Variants in SCRIB observed in about 807,000 individuals in gnomAD.
SCRIB encodes scribble planar cell polarity protein, also known as protein scribble homolog.
In SCRIB, 72 loss-of-function variants were observed where a neutral mutation model predicts 170.0. The observed-to-expected ratio is 0.42, with a 90% confidence interval of 0.35 to 0.52. The LOEUF (loss-of-function observed/expected upper bound fraction) is 0.52. Among genes scored for constraint, SCRIB ranks in the 20% least tolerant of loss-of-function variants. The pLI, the probability that SCRIB is intolerant of heterozygous loss-of-function variation, is 0.02. For synonymous variants in SCRIB, 1,298 were observed against 1,044.3 expected (o/e 1.24, Z -4.68); for missense variants, 2,475 against 2,338.5 (o/e 1.06, Z -1.20).
Position 143,810,891 on chromosome 8 carries a change from T to A in SCRIB, c.1273+15A>T. 1 of 1,610,636 alleles carries A rather than the reference T, an allele frequency of 6.2e-7. No homozygotes were observed. Among genetic ancestry groups the A allele is most frequent in the Non-Finnish European group, 8.5e-7 (1 of 1,179,868 alleles). On this transcript the variant is annotated intron_variant, in intron 11 of 36. Coordinates refer to ENST00000356994, the MANE Select transcript of SCRIB (RefSeq NM_182706.5). Reference sequence around the variant, plus strand: ...AGAGCCACCCCGCGCTAAGCACCGGTTGCCAACAACCTACCGAGGCTGGGT... The same window carrying A: ...AGAGCCACCCCGCGCTAAGCACCGGATGCCAACAACCTACCGAGGCTGGGT...
chr8:143,793,990 A>T (rs782704337), intron 27 of SCRIB, 28 bp from the exon 28 acceptor site: 1 of 1,606,878 alleles, frequency 6.2e-7, no homozygotes, highest in East Asian at 2.2e-5. Flanking sequence ...GGGTGGGGTG[A>T]GGATGGGCAG....
chr8:143,812,940 G>A lies in SCRIB; in HGVS notation c.664C>T (p.Leu222=), dbSNP rs572916972. The A allele has an allele frequency of 7.4e-6, 12 of 1,612,824 alleles. No individual in the cohort carries two copies. Among genetic ancestry groups the A allele is most frequent in the African/African-American group, 2.7e-5 (2 of 75,062 alleles). ...LPPELGNLRR[L]VCLDVSENRL... Reference sequence around the variant, plus strand: ...TTTTCCGACACGTCCAGGCACACCAGGCGCCGCAGGTTCCCGAGCTCCTGC... The same window carrying A: ...TTTTCCGACACGTCCAGGCACACCAAGCGCCGCAGGTTCCCGAGCTCCTGC... Residue 222 remains leucine, a synonymous_variant, in exon 8 of 37, where the codon CTG becomes TTG. Transcript: ENST00000356994.
At chr8:143,806,569 A>T (rs976543196) in intron 17 of SCRIB, 85 bp from the exon 18 acceptor site, 53 of 1,124,348 alleles carry the variant, frequency 4.7e-5, no homozygotes, top group African/African-American at 7.7e-5. Context: ...GGAGGGGAAG[A>T]CCCACTCCCA....
chr8:143,797,625 A>G (rs1192386783), intron 24 of SCRIB, among the ~76,000 whole-genome samples: 5 of 152,216 alleles, frequency 3.3e-5, no homozygotes, highest in Admixed American at 3.3e-4. Flanking sequence ...GTAGGCACAC[A>G]GACACGTGGT....
At position 143,792,599 on chromosome 8, in the gene SCRIB, C is replaced by G. The variant is rs782653455; in HGVS notation, c.4214G>C (p.Arg1405Pro). The G allele has an allele frequency of 2.5e-6, 4 of 1,590,732 alleles. No individual in the cohort carries two copies. The Admixed American group carries it at 5.1e-5, about 20-fold the overall frequency. Residue 1405 changes from arginine to proline, a missense_variant, in exon 31 of 37, where the codon CGG (arginine) becomes CCG (proline). By Grantham distance (103) the Arg-to-Pro change is moderately radical (BLOSUM62 -2). Transcript: ENST00000356994. ...KLQQKRAQML[R>P]EAAEAGAEAR... Reference sequence around the variant, plus strand: ...TTCGGCCCCAGCCTCTGCCGCCTCCCGCAGCATCTGCGCTCTCTTCTGCTG... The same window carrying G: ...TTCGGCCCCAGCCTCTGCCGCCTCCGGCAGCATCTGCGCTCTCTTCTGCTG...
chr8:143,805,099 G>A lies in SCRIB; in HGVS notation c.2670+13C>T, dbSNP rs2130081273. ...CTAGAGCAGCCCTCCCCGGCCCTGG[G>A]CCCCAGCCTCACCGCATCACCAGCC... On this transcript the variant is annotated intron_variant, in intron 19 of 36. Coordinates refer to ENST00000356994, the MANE Select transcript of SCRIB (RefSeq NM_182706.5). 1 of 1,597,406 alleles carries A rather than the reference G, an allele frequency of 6.3e-7. No individual in the cohort carries two copies. The highest frequency in any genetic ancestry group is 2.3e-5 in the East Asian group (1 of 44,290).
At chr8:143,806,847 G>A (rs1171069076) in intron 17 of SCRIB, 77 bp downstream of exon 17, 4 of 1,028,322 alleles carry the variant, frequency 3.9e-6, no homozygotes, top group East Asian at 2.6e-5. Flanking sequence ...TCAGGGCAAG[G>A]GGCCTGTGTG....
In SCRIB at chr8:143,791,254, G is replaced by T; in HGVS notation, c.4877C>A (p.Pro1626His). ...CACATCTTCAGGGCCCACAGCGCCG[G>T]GTGAGGGCCTGCCCAGAAGCACCAG... ...VALVLLGRPSPGAVGPEDVAL... is the reference protein window; with the variant it reads ...VALVLLGRPSHGAVGPEDVAL... Residue 1626 changes from proline to histidine, a missense_variant, in exon 37 of 37, where the codon CCC becomes CAC. Pro to His is a moderately conservative substitution (Grantham distance 77). Transcript: ENST00000356994. The T allele has an allele frequency of 6.6e-7, 1 of 1,512,186 alleles. No individual in the cohort carries two copies. The highest frequency in any genetic ancestry group is 2.4e-5 in the East Asian group (1 of 41,882). 93.7% of individuals were successfully genotyped at this position (1,512,186 alleles called of 1,614,324 possible).
chr8:143,798,848 G>A (rs970002799), intron 24 of SCRIB, among the ~76,000 whole-genome samples: 72 of 152,166 alleles, frequency 4.7e-4, no homozygotes, highest in African/African-American at 1.6e-3. Context: ...AGCTCCCACC[G>A]AGAGGGGCCA....
At chr8:143,806,639 G>A (rs533879757) in intron 17 of SCRIB, among the ~76,000 whole-genome samples, 155 bp from the exon 18 acceptor site, 1 of 152,378 alleles carries the variant, frequency 6.6e-6, no homozygotes, top group South Asian at 2.1e-4. Flanking sequence ...GATCCTGAGT[G>A]CCAGGGGGTT....
At position 143,791,661 on chromosome 8, in the gene SCRIB, G is replaced by C. The variant is rs782263775; in HGVS notation, c.4770+5C>G. ...CAGGCATGCAGAGGCCTGGAGGCCAGGTACCTGGATGTCATAGACAGGTCT... is the reference window on the plus strand; with the variant it reads ...CAGGCATGCAGAGGCCTGGAGGCCACGTACCTGGATGTCATAGACAGGTCT... On this transcript the variant is annotated splice_donor_5th_base_variant and intron_variant, in intron 35 of 36. Coordinates refer to ENST00000356994, the MANE Select transcript of SCRIB (RefSeq NM_182706.5). The C allele has an allele frequency of 1.2e-6, 2 of 1,604,858 alleles. No individual in the cohort carries two copies. The highest frequency in any genetic ancestry group is 1.7e-6 in the Non-Finnish European group (2 of 1,173,310).
chr8:143,814,032 C>T lies in SCRIB; in HGVS notation c.246G>A (p.Met82Ile). The change falls in exon 2 of 37, where the codon ATG becomes ATA. Residue 82 changes from methionine (M) to isoleucine (I), a missense_variant. Transcript: ENST00000356994. ...QRLPPEVANF[M>I]QLVELDVSRN... ...GGGACACGTCCAGCTCCACCAGCTG[C>T]ATGAAGTTGGCCACCTCGGGAGGCA... 1 of 1,565,142 alleles carries T rather than the reference C, an allele frequency of 6.4e-7. No homozygotes were observed. The highest frequency in any genetic ancestry group is 8.7e-7 in the Non-Finnish European group (1 of 1,154,172).
chr8:143,806,029 C>A (rs1815409467), intron 18 of SCRIB, among the ~76,000 whole-genome samples: 1 of 152,258 alleles, frequency 6.6e-6, no homozygotes, highest in South Asian at 2.1e-4. Context: ...CATACAGGGT[C>A]CAAACCCCAC....
At chr8:143,798,157 G>A (rs1466434597) in intron 24 of SCRIB, among the ~76,000 whole-genome samples, 1 of 152,150 alleles carries the variant, frequency 6.6e-6, no homozygotes, top group East Asian at 1.9e-4. Context: ...TCGGGAGGCT[G>A]AGGCAGGAGA....
intron 24 of SCRIB, among the ~76,000 whole-genome samples, chr8:143,798,111 A>AT (rs1490847703): frequency 1.3e-5 from 2 of 152,072 alleles, no homozygotes; most frequent in Non-Finnish European, 2.9e-5. Flanking sequence ...TAAGAAACAG[A>AT]TTTTTTCGGT....
intron 8 of SCRIB, among the ~76,000 whole-genome samples, 183 bp downstream of exon 8, chr8:143,812,634 C>T (rs1023311639): frequency 6.6e-6 from 1 of 152,216 alleles, no homozygotes; most frequent in Admixed American, 6.5e-5. Flanking sequence ...GCACCACCAG[C>T]TGCCTCCTCA....
Position 143,795,197 on chromosome 8 carries a change from G to T in SCRIB, c.3771+80C>A. 3 of 1,596,484 alleles carry T rather than the reference G, an allele frequency of 1.9e-6. No homozygotes were observed. The South Asian group carries it at 3.3e-5, about 18-fold the overall frequency. ...ACAGGGCAGGAGAGGGGGTCCTGGG[G>T]GTTACTACCCAGCACCCCACAGGCA... On this transcript the variant is annotated intron_variant, in intron 26 of 36. Transcript: ENST00000356994.
rs144293240 is a variant in SCRIB, at chr8:143,795,046, C to A, written c.3838G>T (p.Val1280Leu). The A allele has an allele frequency of 1.1e-4, 179 of 1,610,446 alleles. 1 individual carries two copies. The highest frequency in any genetic ancestry group is 1.5e-4 in the Non-Finnish European group (176 of 1,179,052). Residue 1280 changes from valine (V) to leucine (L), a missense_variant, in exon 27 of 37, where the codon GTG becomes TTG. Physicochemically the swap from Val to Leu is conservative, Grantham distance 32. Around this residue, in one of 3 missense-constraint regions of SCRIB, gnomAD observed 1,966 missense variants for 1,742.9 expected, o/e 1.13. Transcript: ENST00000356994. ...ALAAVPSAGS[V>L]QRVPSGAAGG... The stretch of plus-strand genomic sequence containing the variant: ...GCACACTGGGCACTCACCCTCTGCA[C>A]GCTGCCAGCGCTGGGCACGGCGGCC...
intron 13 of SCRIB, among the ~76,000 whole-genome samples, 166 bp from the exon 14 acceptor site, chr8:143,809,884 G>T (rs1434080224): frequency 6.6e-6 from 1 of 152,190 alleles, no homozygotes; most frequent in Admixed American, 6.5e-5. Flanking sequence ...AGCCTGCAAG[G>T]AAGCCACACG....
Sources: allele counts gnomAD v4.1 joint callset (sites outside exome capture counted in the v4.1 genomes callset), GRCh38; gene constraint gnomAD v4.1.1; regional missense constraint gnomAD v4.1.1; transcripts MANE v1.5; gene names NCBI Gene and HGNC (gene_info 2026-07-23, HGNC 2026-07-21).